PALM2AKAP2: variants seen among roughly 807,000 people sequenced by gnomAD.
The protein encoded by PALM2AKAP2 is PALM2 and AKAP2 fusion, also known as PALM2-AKAP2 fusion protein.
In PALM2AKAP2, 37 loss-of-function variants were observed where a neutral mutation model predicts 71.5. That is an observed-to-expected ratio of 0.52 (90% CI 0.40 to 0.68). The LOEUF (loss-of-function observed/expected upper bound fraction) is 0.68, where lower values mean the gene tolerates loss of function less well. Ranked by LOEUF, PALM2AKAP2 falls within the 30% of genes least tolerant of loss-of-function variation. The pLI is 0.00. For missense variants in PALM2AKAP2, 1,224 were observed against 1,191.8 expected (o/e 1.03, Z -0.40); for synonymous variants, 468 against 478.8 (o/e 0.98, Z 0.29).
chr9:109,922,189 G>A (rs1830846966), intron 3 of PALM2AKAP2, among the ~76,000 whole-genome samples: 1 of 151,928 alleles, frequency 6.6e-6, no homozygotes, highest in South Asian at 2.1e-4. Context: ...GGAGCCTGAG[G>A]CAGGAGGATT....
chr9:109,736,971 C>T (rs1264301378), intron 1 of PALM2AKAP2, among the ~76,000 whole-genome samples: 1 of 152,182 alleles, frequency 6.6e-6, no homozygotes, highest in Admixed American at 6.5e-5. Context: ...TGTATATTAG[C>T]CTTGGCCATG....
At chr9:109,674,878 AT>A (rs899612574) in intron 1 of PALM2AKAP2, among the ~76,000 whole-genome samples, 1 of 151,846 alleles carries the variant, frequency 6.6e-6, no homozygotes, top group East Asian at 1.9e-4. Flanking sequence ...TTGACTTATA[AT>A]TTTTTTTACT....
At chr9:109,841,322 C>G (rs1458165180) in intron 1 of PALM2AKAP2, among the ~76,000 whole-genome samples, 2 of 141,498 alleles carry the variant, frequency 1.4e-5, no homozygotes, top group Non-Finnish European at 3.0e-5. Flanking sequence ...ACAATGAGAA[C>G]ACTTGGACAC....
chr9:109,733,307 A>C (rs1267660963), intron 1 of PALM2AKAP2, among the ~76,000 whole-genome samples: 1 of 152,232 alleles, frequency 6.6e-6, no homozygotes, highest in Non-Finnish European at 1.5e-5. Flanking sequence ...TAGATTGTTC[A>C]AAGTATGGTG....
At chr9:109,780,416 A>G, upstream of PALM2AKAP2, 4 of 1,611,486 alleles carry the variant, frequency 2.5e-6, no homozygotes, top group Non-Finnish European at 3.4e-6. Context: ...CGGGGTGCCC[A>G]TCAGTTTCCT....
At chr9:110,024,988 C>T in intron 7 of PALM2AKAP2, 1 of 1,292,664 alleles carries the variant, frequency 7.7e-7, no homozygotes, top group East Asian at 2.3e-5. Flanking sequence ...TTCAGTTGAA[C>T]CCAGGTACCT....
At chr9:110,157,368 T>C in intron 3 of PALM2AKAP2, among the ~76,000 whole-genome samples, 1 of 149,420 alleles carries the variant, frequency 6.7e-6, no homozygotes, top group Admixed American at 6.7e-5. Flanking sequence ...GTGTTGTGGT[T>C]ATTAATATCC....
intron 2 of PALM2AKAP2, among the ~76,000 whole-genome samples, chr9:110,145,352 C>T (rs988341076): frequency 1.3e-5 from 2 of 152,218 alleles, no homozygotes; most frequent in Admixed American, 6.5e-5. Context: ...GCCATCTAGC[C>T]TAGCTGCTCT....
intron 1 of PALM2AKAP2, among the ~76,000 whole-genome samples, chr9:109,757,301 C>T (rs143612459): frequency 6.6e-6 from 1 of 152,206 alleles, no homozygotes; most frequent in African/African-American, 2.4e-5. Context: ...CATTTAGTGG[C>T]AAAGAATACT....
intron 1 of PALM2AKAP2, among the ~76,000 whole-genome samples, chr9:110,076,011 C>T (rs1003096059): frequency 4.6e-5 from 7 of 151,994 alleles, no homozygotes; most frequent in African/African-American, 1.2e-4. Flanking sequence ...TGATACAATA[C>T]TATTACCTAA....
At chr9:109,935,032 A>G (rs1320226344) in intron 6 of PALM2AKAP2, among the ~76,000 whole-genome samples, 1 of 152,208 alleles carries the variant, frequency 6.6e-6, no homozygotes, top group Non-Finnish European at 1.5e-5. Context: ...GGGGAAGGGA[A>G]TGATGTCATG....
chr9:109,713,122 T>A (rs1050863981), intron 1 of PALM2AKAP2, among the ~76,000 whole-genome samples: 1 of 152,180 alleles, frequency 6.6e-6, no homozygotes, highest in Non-Finnish European at 1.5e-5. Context: ...CCTGGGCCAT[T>A]GTGGAGTTTG....
intron 3 of PALM2AKAP2, among the ~76,000 whole-genome samples, chr9:109,900,866 G>A (rs1221935678): frequency 1.3e-5 from 2 of 152,184 alleles, no homozygotes; most frequent in African/African-American, 2.4e-5. Context: ...GAACATTCTG[G>A]TCTGCACCCA....
chr9:109,702,291 C>A (rs746281153), intron 1 of PALM2AKAP2, among the ~76,000 whole-genome samples: 4 of 152,220 alleles, frequency 2.6e-5, no homozygotes, highest in African/African-American at 9.6e-5. Context: ...CATATGCACA[C>A]GTATGTTTTA....
intron 1 of PALM2AKAP2, among the ~76,000 whole-genome samples, chr9:109,754,463 T>C (rs1028806075): frequency 6.6e-6 from 1 of 152,182 alleles, no homozygotes; most frequent in African/African-American, 2.4e-5. Context: ...GTATACAGTG[T>C]TGTTAATTAT....
intron 1 of PALM2AKAP2, among the ~76,000 whole-genome samples, chr9:109,691,321 T>C (rs1163552821): frequency 6.6e-6 from 1 of 152,040 alleles, no homozygotes; most frequent in African/African-American, 2.4e-5. Flanking sequence ...CCTTCCTGTC[T>C]TTTTCTTTCC....
At chr9:109,780,589 C>A in intron 1 of PALM2AKAP2, 56 bp downstream of exon 1, 1 of 1,611,274 alleles carries the variant, frequency 6.2e-7, no homozygotes, top group Non-Finnish European at 8.5e-7. Context: ...GAAGGGGGCC[C>A]CCGAGGGTTT....
intron 1 of PALM2AKAP2, among the ~76,000 whole-genome samples, chr9:109,708,259 A>C (rs902062285): frequency 1.3e-5 from 2 of 152,200 alleles, no homozygotes; most frequent in Non-Finnish European, 2.9e-5. Context: ...AATTCTAAAC[A>C]AGCCCATCAC....
At chr9:109,851,205 AC>A (rs1387779893) in intron 1 of PALM2AKAP2, among the ~76,000 whole-genome samples, 19 of 47,018 alleles carry the variant, frequency 4.0e-4, no homozygotes, top group African/African-American at 1.5e-3. Context: ...AACAACAACA[AC>A]AACAAAAAAA....
Sources: allele counts gnomAD v4.1 joint callset (sites outside exome capture counted in the v4.1 genomes callset), GRCh38; gene constraint gnomAD v4.1.1; transcripts MANE v1.5; gene names NCBI Gene and HGNC (gene_info 2026-07-23, HGNC 2026-07-21).